The following RHEX variants were observed in gnomAD, a reference collection of about 807,000 sequenced individuals.
RHEX encodes regulator of hemoglobinization and erythroid cell expansion protein.
In RHEX, 18 loss-of-function variants were observed where a neutral mutation model predicts 20.1. The ratio of observed to expected loss-of-function variants is 0.90; its 90% CI spans 0.62 to 1.33. The LOEUF is 1.33. Among genes scored for constraint, RHEX ranks in the 40% most tolerant of loss-of-function variants. RHEX has a pLI of 0.00. For synonymous variants in RHEX, 87 were observed against 77.1 expected (o/e 1.13, Z -0.67); for missense variants, 192 against 214.3 (o/e 0.90, Z 0.65).
rs575180890 is a variant in RHEX at position 206,064,154 on chromosome 1, G to C, written c.-97+10889G>C. Reference sequence around the variant, plus strand: ...TGAGAAGTGAGGAGACCCTCCGCCCGGCAGCCGCCCCGTCTGAGAAGTTAG... The same window carrying C: ...TGAGAAGTGAGGAGACCCTCCGCCCCGCAGCCGCCCCGTCTGAGAAGTTAG... On this transcript the variant is annotated intron_variant, in intron 1 of 5. Transcript: ENST00000331555. Among the ~76,000 whole-genome samples the C allele has an allele frequency of 8.7e-4, 125 of 144,488 alleles. 1 individual carries two copies. Among genetic ancestry groups the C allele is most frequent in the African/African-American group, 2.9e-3 (110 of 37,790 alleles). 94.8% of individuals were successfully genotyped at this position (144,488 alleles called of 152,430 possible).
At chr1:206,083,502 C>T in intron 1 of RHEX, 14 of 985,404 alleles carry the variant, frequency 1.4e-5, no homozygotes, top group African/African-American at 1.7e-5. Context: ...GCAGTGCTCC[C>T]GCCTTGTTGG....
At chr1:206,094,234 GATTGTCTGATCAGCAGTCTGCA>G (rs1553287410) in intron 1 of RHEX, among the ~76,000 whole-genome samples, 2 of 151,900 alleles carry the variant, frequency 1.3e-5, no homozygotes, top group Non-Finnish European at 2.9e-5. Context: ...TGTCTCTGCT[GATTGTCTGATCAGCAGTCTGCA>G]ATTAGACCCC....
chr1:206,070,822 C>G (rs1238816674), intron 1 of RHEX, among the ~76,000 whole-genome samples: 1 of 152,146 alleles, frequency 6.6e-6, no homozygotes, highest in Non-Finnish European at 1.5e-5. Context: ...TCCTATCAGC[C>G]GTCAGTCTTG....
chr1:206,082,682 C>A (rs1662762719), intron 1 of RHEX, among the ~76,000 whole-genome samples: 2 of 152,040 alleles, frequency 1.3e-5, no homozygotes. Context: ...GATGAAAAAA[C>A]TGACAATCAG....
chr1:206,087,150 C>T (rs1290653187), intron 1 of RHEX, among the ~76,000 whole-genome samples: 1 of 152,230 alleles, frequency 6.6e-6, no homozygotes, highest in South Asian at 2.1e-4. Flanking sequence ...AGTCTCTACA[C>T]CTGACCATTT....
intron 1 of RHEX, chr1:206,060,280 G>A (rs1662284797): frequency 6.6e-6 from 1 of 151,848 alleles, no homozygotes; most frequent in Non-Finnish European, 1.5e-5. Context: ...TATATACTAA[G>A]TTCACAATAA....
intron 1 of RHEX, among the ~76,000 whole-genome samples, chr1:206,063,396 A>G (rs1269300446): frequency 6.9e-6 from 1 of 145,984 alleles, no homozygotes; most frequent in Non-Finnish European, 1.5e-5. Context: ...CCCTCTCCCC[A>G]TGGTCTCCCT....
rs569251709 is a variant in RHEX, at chr1:206,063,194, C to T, written c.-97+9929C>T. ...GGCAGTGCAAAGGCCCTGAGGTAGA[C>T]GTGTACCTGACATGGTCAAAGAAAA... is the stretch of plus-strand genomic sequence containing the variant. On this transcript the variant is annotated intron_variant, in intron 1 of 5. Coordinates refer to ENST00000331555, the MANE Select transcript of RHEX (RefSeq NM_001007544.4). 9.9e-4 allele frequency among the ~76,000 whole-genome samples: 150 copies of T among 151,920 alleles called. 1 individual carries two copies. The highest frequency in any genetic ancestry group is 1.7e-3 in the Non-Finnish European group (114 of 67,930).
In RHEX at chr1:206,059,001, C is replaced by T. The variant is rs1018191405; in HGVS notation, c.-97+5736C>T. On this transcript the variant is annotated intron_variant, in intron 1 of 5. Transcript: ENST00000331555. ...CTCCTCTGCCTGCCCAGGATAGGTA[C>T]TTGCCTTTCTGGCCCTGGATAGACA... Among the ~76,000 whole-genome samples, 35 of 152,144 alleles carry T rather than the reference C, an allele frequency of 2.3e-4. 1 individual carries two copies. The highest frequency in any genetic ancestry group is 4.1e-4 in the Non-Finnish European group (28 of 68,028).
intron 1 of RHEX, among the ~76,000 whole-genome samples, chr1:206,077,562 A>G (rs1377453468): frequency 2.0e-5 from 3 of 152,198 alleles, no homozygotes; most frequent in African/African-American, 7.2e-5. Context: ...ACTTGAGGGT[A>G]GGAGGTCAAG....
chr1:206,086,821 C>A (rs532397092), intron 1 of RHEX, among the ~76,000 whole-genome samples: 2 of 152,130 alleles, frequency 1.3e-5, no homozygotes, highest in Admixed American at 1.3e-4. Flanking sequence ...ACAGCCTGGG[C>A]AACATGGCAA....
In RHEX at chr1:206,099,753, A is replaced by C; in HGVS notation, c.211A>C (p.Thr71Pro). The change falls in exon 4 of 6, where the codon ACT (threonine) becomes CCT (proline). Residue 71 changes from threonine to proline, a missense_variant. Physicochemically the swap from Thr to Pro is conservative, Grantham distance 38. Coordinates refer to ENST00000331555, the MANE Select transcript of RHEX (RefSeq NM_001007544.4). ...ACCTGCTGTCAAAGAGATGAAGGAG[A>C]CTCAGACAGAGAGAGACATCCCAAT... ...HPPAVKEMKETQTERDIPMSD... is the reference protein window; with the variant it reads ...HPPAVKEMKEPQTERDIPMSD... 1 of 1,613,976 alleles carries C rather than the reference A, an allele frequency of 6.2e-7. No homozygotes were observed. The highest frequency in any genetic ancestry group is 8.5e-7 in the Non-Finnish European group (1 of 1,179,936).
At chr1:206,080,863 C>T (rs952785410) in intron 1 of RHEX, among the ~76,000 whole-genome samples, 4 of 152,116 alleles carry the variant, frequency 2.6e-5, no homozygotes, top group African/African-American at 9.7e-5. Context: ...AGTGCAGTGG[C>T]ATGATCATGG....
chr1:206,098,334 C>A, intron 3 of RHEX, 153 bp downstream of exon 3: 3 of 617,952 alleles, frequency 4.9e-6, no homozygotes, highest in Non-Finnish European at 8.9e-6. Context: ...CTCCCCCTCC[C>A]CCCAATAACT....
intron 1 of RHEX, among the ~76,000 whole-genome samples, chr1:206,095,959 C>T (rs1001574920): frequency 1.1e-4 from 16 of 152,092 alleles, no homozygotes; most frequent in Non-Finnish European, 1.9e-4. Flanking sequence ...TCCTGAGTAG[C>T]TGAGACTATA....
chr1:206,079,811 C>G lies in RHEX; in HGVS notation c.-96-17922C>G, dbSNP rs537354936. Among the ~76,000 whole-genome samples the G allele has an allele frequency of 6.6e-5, 10 of 152,286 alleles. No individual in the cohort carries two copies. In the South Asian group the frequency reaches 1.4e-3, roughly 22 times the overall value. ...CCTTGTGATCTGCCTCTTCGGCCTC[C>G]CAAAGTGCTGGGATTACAGGCCTGA... On this transcript the variant is annotated intron_variant, in intron 1 of 5. Coordinates refer to ENST00000331555, the MANE Select transcript of RHEX (RefSeq NM_001007544.4).
At chr1:206,077,860 A>G (rs1662664499) in intron 1 of RHEX, among the ~76,000 whole-genome samples, 2 of 152,160 alleles carry the variant, frequency 1.3e-5, no homozygotes, top group African/African-American at 4.8e-5. Context: ...TTTTTCTGTT[A>G]AGTACTTACC....
chr1:206,073,410 C>A (rs1320003544), intron 1 of RHEX, among the ~76,000 whole-genome samples: 1 of 152,150 alleles, frequency 6.6e-6, no homozygotes, highest in Non-Finnish European at 1.5e-5. Flanking sequence ...GTGTGCCAGA[C>A]ACATTGTAAG....
At chr1:206,075,692 C>T in intron 1 of RHEX, among the ~76,000 whole-genome samples, 1 of 152,088 alleles carries the variant, frequency 6.6e-6, no homozygotes, top group Non-Finnish European at 1.5e-5. Context: ...CCTCCACCTC[C>T]TGGGTTCAAG....
Sources: allele counts gnomAD v4.1 joint callset (sites outside exome capture counted in the v4.1 genomes callset), GRCh38; gene constraint gnomAD v4.1.1; transcripts MANE v1.5; gene names NCBI Gene and HGNC (gene_info 2026-07-23, HGNC 2026-07-21).